The following NUBPL variants were observed in gnomAD, a reference collection of about 807,000 sequenced individuals.
NUBPL encodes the protein iron-sulfur cluster transfer protein NUBPL.
In NUBPL, 31 loss-of-function variants were observed where a neutral mutation model predicts 45.7. The observed-to-expected ratio is 0.68, with a 90% CI of 0.51 to 0.92. The LOEUF is 0.92. NUBPL is among the 40% of genes least tolerant of loss of function. The pLI is 0.00. For missense variants in NUBPL, 401 were observed against 398.7 expected, an observed-to-expected ratio of 1.01 and a Z score of -0.05; for synonymous variants, 144 against 140.9, an observed-to-expected ratio of 1.02 and a Z score of -0.15.
chr14:31,619,411 A>G (rs1260563609), intron 4 of NUBPL, among the ~76,000 whole-genome samples: 1 of 152,226 alleles, frequency 6.6e-6, no homozygotes, highest in Non-Finnish European at 1.5e-5. Context: ...ATGTTTTTAC[A>G]GTGGCTGTTA....
At chr14:31,661,017 A>G (rs1166002439) in intron 4 of NUBPL, among the ~76,000 whole-genome samples, 1 of 152,226 alleles carries the variant, frequency 6.6e-6, no homozygotes, top group African/African-American at 2.4e-5. Flanking sequence ...ATGTGGTCAC[A>G]GTGGCATTTA....
intron 7 of NUBPL, among the ~76,000 whole-genome samples, chr14:31,798,513 C>A (rs1416474311): frequency 1.3e-5 from 2 of 151,510 alleles, no homozygotes; most frequent in Non-Finnish European, 2.9e-5. Context: ...CTTATTTATG[C>A]CAGGTGCGGT....
chr14:31,645,774 A>AGC (rs71399630), intron 4 of NUBPL, among the ~76,000 whole-genome samples: 1 of 82,788 alleles, frequency 1.2e-5, no homozygotes, highest in Non-Finnish European at 2.4e-5. Context: ...TATACTTTAC[A>AGC]CCCCCCCCCC....
chr14:31,806,404 T>C (rs986866796), intron 7 of NUBPL, among the ~76,000 whole-genome samples: 6 of 152,092 alleles, frequency 3.9e-5, no homozygotes. Flanking sequence ...CTGAGCTATA[T>C]GTGCATCACA....
chr14:31,684,918 TC>T (rs149826241), intron 6 of NUBPL, among the ~76,000 whole-genome samples: 2,228 of 152,274 alleles, frequency 0.015, 89 homozygotes, highest in Admixed American at 0.077. Flanking sequence ...TGGTTAACAT[TC>T]ATATTTGGAG....
rs376036141 is a variant in NUBPL at position 31,827,331 on chromosome 14, CTG to C, written c.693+620_693+621del. On this transcript the variant is annotated intron_variant, in intron 8 of 10. Coordinates refer to ENST00000281081, the MANE Select transcript of NUBPL (RefSeq NM_025152.3). ...AAAGAAAAATAGTACCATTATAAAA[CTG>C]TGCATTTCTACAAAGTTAAAAAAAA... Among the ~76,000 whole-genome samples, 272 of 148,054 alleles carry C rather than the reference CTG, an allele frequency of 1.8e-3. 1 individual carries two copies. The highest frequency in any genetic ancestry group is 6.3e-3 in the African/African-American group (257 of 40,776).
intron 4 of NUBPL, among the ~76,000 whole-genome samples, chr14:31,650,898 T>C (rs567711975): frequency 6.6e-6 from 1 of 152,068 alleles, no homozygotes; most frequent in Non-Finnish European, 1.5e-5. Flanking sequence ...GAGGGTGGAA[T>C]CAAGGAGGGC....
chr14:31,836,019 G>C (rs1049374385), intron 8 of NUBPL, among the ~76,000 whole-genome samples: 1 of 152,108 alleles, frequency 6.6e-6, no homozygotes, highest in African/African-American at 2.4e-5. Flanking sequence ...TAAAAATCTT[G>C]CTTGTTACTT....
intron 6 of NUBPL, among the ~76,000 whole-genome samples, chr14:31,772,188 A>G (rs2039020661): frequency 6.6e-6 from 1 of 152,224 alleles, no homozygotes; most frequent in South Asian, 2.1e-4. Context: ...ACATCTAAAT[A>G]TATTTTATAA....
At chr14:31,701,441 A>T (rs988116912) in intron 6 of NUBPL, among the ~76,000 whole-genome samples, 1 of 152,258 alleles carries the variant, frequency 6.6e-6, no homozygotes, top group Non-Finnish European at 1.5e-5. Context: ...GAATAAAAGC[A>T]GGCTGCCCAA....
intron 7 of NUBPL, among the ~76,000 whole-genome samples, chr14:31,826,021 T>A (rs1401968426): frequency 1.3e-5 from 2 of 151,976 alleles, no homozygotes; most frequent in African/African-American, 4.8e-5. Context: ...AAGCCTAGCT[T>A]GTGCATCTGT....
intron 7 of NUBPL, among the ~76,000 whole-genome samples, chr14:31,808,567 G>A (rs1421936069): frequency 2.6e-5 from 4 of 152,168 alleles, no homozygotes; most frequent in Non-Finnish European, 5.9e-5. Flanking sequence ...TCTGCAAACA[G>A]GGACAACTGG....
chr14:31,595,345 C>G (rs1566435204), intron 3 of NUBPL, among the ~76,000 whole-genome samples: 3 of 152,132 alleles, frequency 2.0e-5, no homozygotes, highest in Admixed American at 1.3e-4. Context: ...TTGTTAGATA[C>G]CAACATTAGG....
intron 3 of NUBPL, among the ~76,000 whole-genome samples, chr14:31,577,388 C>G (rs1453990262): frequency 1.3e-5 from 2 of 152,058 alleles, no homozygotes; most frequent in African/African-American, 2.4e-5. Context: ...GCCTACAGGC[C>G]TCTGCTGAGA....
intron 6 of NUBPL, among the ~76,000 whole-genome samples, chr14:31,776,864 G>A (rs1161723357): frequency 6.6e-6 from 1 of 152,180 alleles, no homozygotes; most frequent in Non-Finnish European, 1.5e-5. Context: ...TTAGTGCTCA[G>A]GATTATGTTT....
intron 4 of NUBPL, among the ~76,000 whole-genome samples, chr14:31,641,431 T>G (rs2035696123): frequency 6.6e-6 from 1 of 152,174 alleles, no homozygotes; most frequent in Non-Finnish European, 1.5e-5. Flanking sequence ...CATGTGATAT[T>G]TGTCTTTCTA....
intron 7 of NUBPL, among the ~76,000 whole-genome samples, chr14:31,800,233 A>C (rs939530970): frequency 1.3e-5 from 2 of 152,182 alleles, no homozygotes; most frequent in African/African-American, 4.8e-5. Flanking sequence ...CCCAAAAGTC[A>C]TCTGTGAGGG....
intron 4 of NUBPL, among the ~76,000 whole-genome samples, chr14:31,669,732 G>A (rs2139800246): frequency 6.8e-6 from 1 of 147,194 alleles, no homozygotes; most frequent in African/African-American, 2.5e-5. Context: ...TTCTGTTCCT[G>A]CATTAGTTTG....
chr14:31,624,643 C>A (rs765355184), intron 4 of NUBPL, among the ~76,000 whole-genome samples: 8 of 152,216 alleles, frequency 5.3e-5, no homozygotes, highest in Non-Finnish European at 1.2e-4. Flanking sequence ...CGGCTCACTG[C>A]AACCTCCGCC....
Sources: allele counts gnomAD v4.1 joint callset (sites outside exome capture counted in the v4.1 genomes callset), GRCh38; gene constraint gnomAD v4.1.1; transcripts MANE v1.5; gene names NCBI Gene and HGNC (gene_info 2026-07-23, HGNC 2026-07-21).